The following EYA2 variants were observed in gnomAD, a reference collection of about 807,000 sequenced individuals.
EYA2 encodes the protein EYA transcriptional coactivator and phosphatase 2.
EYA2 carries 31 observed loss-of-function variants against 69.2 expected under a neutral mutation model. The ratio of observed to expected loss-of-function variants is 0.45; its 90% confidence interval spans 0.34 to 0.60. The LOEUF is 0.60. Among genes scored for constraint, EYA2 ranks in the 20% least tolerant of loss-of-function variants. The probability of loss-of-function intolerance (pLI) is 0.02; values close to 1 mark genes in which losing one functional copy is unlikely to be tolerated. For missense variants in EYA2, 622 were observed against 701.2 expected (o/e 0.89, Z 1.28); for synonymous variants, 257 against 279.4 (o/e 0.92, Z 0.80).
rs573628115 is a variant in EYA2 at position 47,173,069 on chromosome 20, G to A, written c.1198+202G>A. On this transcript the variant is annotated intron_variant, in intron 12 of 15. Coordinates refer to ENST00000327619, the MANE Select transcript of EYA2 (RefSeq NM_005244.5). ...TTTGGGGGTGGGAAAGCTGAGGGAC[G>A]GAGGCTGCATCTGGTCCAAGATCCT... Among the ~76,000 whole-genome samples the A allele has an allele frequency of 1.6e-3, 241 of 152,296 alleles. 1 individual carries two copies. Among genetic ancestry groups the A allele is most frequent in the Middle Eastern group, 6.8e-3 (2 of 294 alleles).
intron 1 of EYA2, among the ~76,000 whole-genome samples, chr20:46,950,407 G>A (rs745998956): frequency 1.3e-5 from 2 of 152,112 alleles, no homozygotes; most frequent in Non-Finnish European, 2.9e-5. Flanking sequence ...TGAGTTTGGA[G>A]GTCTCATGGC....
At chr20:46,987,878 G>GAT (rs1981332530) in intron 1 of EYA2, among the ~76,000 whole-genome samples, 1 of 141,564 alleles carries the variant, frequency 7.1e-6, no homozygotes, top group Non-Finnish European at 1.5e-5. Context: ...AGTGAGCCAA[G>GAT]ATTGCACCAC....
chr20:46,931,144 G>A (rs928257487), intron 1 of EYA2, among the ~76,000 whole-genome samples: 4 of 152,158 alleles, frequency 2.6e-5, no homozygotes, highest in Non-Finnish European at 5.9e-5. Context: ...CTGTCATGAT[G>A]CCCACTTTGT....
intron 7 of EYA2, among the ~76,000 whole-genome samples, chr20:47,088,481 T>G (rs6018267): frequency 2.0e-5 from 3 of 151,916 alleles, no homozygotes; most frequent in Non-Finnish European, 4.4e-5. Flanking sequence ...CATTACAGCA[T>G]CCAGTGGCCC....
chr20:47,178,898 A>G (rs1020940363), intron 12 of EYA2, among the ~76,000 whole-genome samples: 39 of 148,682 alleles, frequency 2.6e-4, no homozygotes, highest in African/African-American at 8.6e-4. Flanking sequence ...ATAGGTGTCT[A>G]TTATTTTCTC....
chr20:47,074,883 G>A (rs977841584), intron 7 of EYA2, among the ~76,000 whole-genome samples: 10 of 152,120 alleles, frequency 6.6e-5, no homozygotes, highest in African/African-American at 2.4e-4. Flanking sequence ...AGGCTGAGGC[G>A]GGTGGATCAC....
Position 47,172,712 on chromosome 20 carries a change from A to G in EYA2, c.1043A>G (p.Tyr348Cys), listed in dbSNP as rs371436579. 1 of 1,611,524 alleles carries G rather than the reference A, an allele frequency of 6.2e-7. No individual in the cohort carries two copies. Among genetic ancestry groups the G allele is most frequent in the Non-Finnish European group, 8.5e-7 (1 of 1,178,974 alleles). Reference protein sequence around the residue: ...SDDNGQDLSTYNFSADGFHSS... With the variant: ...SDDNGQDLSTCNFSADGFHSS... ...CTCCCCTCCTCTCTCCGCAGCACAT[A>G]CAACTTCTCCGCTGACGGCTTCCAC... The change falls in exon 12 of 16, where the codon TAC (tyrosine) becomes TGC (cysteine). Residue 348 changes from tyrosine to cysteine, a missense_variant. Around this residue, in one of 2 missense-constraint regions of EYA2, gnomAD observed 257 missense variants for 351.5 expected, o/e 0.73. Coordinates refer to ENST00000327619, the MANE Select transcript of EYA2 (RefSeq NM_005244.5).
At chr20:47,003,565 T>C (rs1982508571) in intron 3 of EYA2, among the ~76,000 whole-genome samples, 1 of 152,236 alleles carries the variant, frequency 6.6e-6, no homozygotes, top group Admixed American at 6.5e-5. Context: ...TGCCTGCATG[T>C]GTGTGTGTAT....
intron 1 of EYA2, among the ~76,000 whole-genome samples, chr20:46,951,425 C>G (rs1404004216): frequency 2.6e-5 from 4 of 152,162 alleles, no homozygotes; most frequent in Non-Finnish European, 5.9e-5. Flanking sequence ...CTGAATTAAC[C>G]CCTTCCTGCT....
At chr20:47,079,911 G>A (rs1324215081) in intron 7 of EYA2, among the ~76,000 whole-genome samples, 1 of 152,164 alleles carries the variant, frequency 6.6e-6, no homozygotes, top group East Asian at 1.9e-4. Flanking sequence ...TTTCTAGAAG[G>A]ATGCAATAAG....
intron 1 of EYA2, among the ~76,000 whole-genome samples, chr20:46,928,862 C>T (rs1017691328): frequency 5.3e-5 from 8 of 152,092 alleles, no homozygotes; most frequent in East Asian, 1.9e-4. Flanking sequence ...TTGTGTGGCC[C>T]GGAAGCGGTG....
intron 7 of EYA2, among the ~76,000 whole-genome samples, chr20:47,080,841 G>A (rs963940104): frequency 6.6e-6 from 1 of 152,264 alleles, no homozygotes; most frequent in Non-Finnish European, 1.5e-5. Flanking sequence ...TGCGAGACTC[G>A]TTCACTATCA....
At chr20:46,966,334 T>A (rs1979779799) in intron 1 of EYA2, among the ~76,000 whole-genome samples, 1 of 152,144 alleles carries the variant, frequency 6.6e-6, no homozygotes, top group African/African-American at 2.4e-5. Flanking sequence ...TCATCACATA[T>A]TCTGTGGCAG....
intron 5 of EYA2, among the ~76,000 whole-genome samples, chr20:47,029,513 T>A (rs1376884301): frequency 6.6e-6 from 1 of 152,204 alleles, no homozygotes; most frequent in African/African-American, 2.4e-5. Flanking sequence ...GGAAGCATGA[T>A]CAGGTCCTTC....
At chr20:46,955,239 C>A (rs1979050458) in intron 1 of EYA2, among the ~76,000 whole-genome samples, 1 of 151,826 alleles carries the variant, frequency 6.6e-6, no homozygotes, top group Non-Finnish European at 1.5e-5. Flanking sequence ...TGGGTTCAAG[C>A]AATTCCCCTG....
At chr20:46,952,769 C>T (rs1001511336) in intron 1 of EYA2, among the ~76,000 whole-genome samples, 13 of 151,720 alleles carry the variant, frequency 8.6e-5, no homozygotes, top group Admixed American at 2.6e-4. Context: ...GGGTTGCCCA[C>T]GCTTGCTGAA....
intron 1 of EYA2, among the ~76,000 whole-genome samples, chr20:46,930,800 G>A (rs892817110): frequency 3.9e-5 from 6 of 152,202 alleles, no homozygotes; most frequent in African/African-American, 9.7e-5. Flanking sequence ...CTGTTTGGAC[G>A]CGTTGACTCT....
intron 1 of EYA2, among the ~76,000 whole-genome samples, chr20:46,959,162 G>GTA (rs1252729060): frequency 6.6e-6 from 1 of 152,258 alleles, no homozygotes; most frequent in African/African-American, 2.4e-5. Flanking sequence ...CCAACACAGA[G>GTA]TAGATGCTCA....
Position 47,089,300 on chromosome 20 carries a change from G to T in EYA2, c.723G>T (p.Pro241=). The T allele has an allele frequency of 5.0e-6, 8 of 1,614,134 alleles. No homozygotes were observed. Among genetic ancestry groups the T allele is most frequent in the South Asian group, 1.1e-5 (1 of 91,068 alleles). ...CGAAAGAGGGAGACACAGACAGGCCGCACCGGGCCTCCGACGGGAAGCTCC... is the reference window on the plus strand; with the variant it reads ...CGAAAGAGGGAGACACAGACAGGCCTCACCGGGCCTCCGACGGGAAGCTCC... ...TPAKEGDTDR[P]HRASDGKLRG... Residue 241 remains proline (P), a synonymous_variant, in exon 8 of 16, where the codon CCG becomes CCT. Coordinates refer to ENST00000327619, the MANE Select transcript of EYA2 (RefSeq NM_005244.5).
Sources: allele counts gnomAD v4.1 joint callset (sites outside exome capture counted in the v4.1 genomes callset), GRCh38; gene constraint gnomAD v4.1.1; regional missense constraint gnomAD v4.1.1; transcripts MANE v1.5; gene names NCBI Gene and HGNC (gene_info 2026-07-23, HGNC 2026-07-21).